Variants in LY86 observed in about 807,000 individuals in gnomAD.
The protein encoded by LY86 is MD-1, RP105-associated.
In LY86, 20 loss-of-function variants were observed where a neutral mutation model predicts 17.3. That is an observed-to-expected ratio of 1.15 (90% CI 0.81 to 1.68). LY86 has a LOEUF of 1.68. LY86 is among the 40% of genes most tolerant of loss of function. The pLI is 0.00. For synonymous variants in LY86, 74 were observed against 70.6 expected (o/e 1.05, Z -0.24); for missense variants, 200 against 191.9 (o/e 1.04, Z -0.25).
intron 3 of LY86, among the ~76,000 whole-genome samples, chr6:6,627,724 A>T (rs190860721): frequency 8.5e-4 from 129 of 152,300 alleles, no homozygotes; most frequent in Non-Finnish European, 1.4e-3. Context: ...CTGTTCTAAG[A>T]GCTTTAGACC....
At chr6:6,614,613 C>A (rs1581243160) in intron 1 of LY86, among the ~76,000 whole-genome samples, 1 of 152,150 alleles carries the variant, frequency 6.6e-6, no homozygotes, top group African/African-American at 2.4e-5. Flanking sequence ...CTGTCTCATG[C>A]TCCCCATCCT....
chr6:6,647,777 G>T (rs1762126051), intron 3 of LY86, among the ~76,000 whole-genome samples: 2 of 152,052 alleles, frequency 1.3e-5, no homozygotes, highest in African/African-American at 2.4e-5. Context: ...CTCCTCTGTT[G>T]ATTAATTCTA....
At chr6:6,628,449 C>T (rs1046650974) in intron 3 of LY86, among the ~76,000 whole-genome samples, 9 of 151,828 alleles carry the variant, frequency 5.9e-5, no homozygotes, top group Admixed American at 2.0e-4. Context: ...TTAACATGTG[C>T]AACATTATTT....
At chr6:6,605,858 G>A (rs766594190) in intron 1 of LY86, among the ~76,000 whole-genome samples, 176 of 151,856 alleles carry the variant, frequency 1.2e-3, no homozygotes, top group Middle Eastern at 3.4e-3. Flanking sequence ...TCTTAAGGGG[G>A]CATCTGGAGC....
At chr6:6,648,566 G>T (rs997471370) in intron 3 of LY86, among the ~76,000 whole-genome samples, 14 of 152,112 alleles carry the variant, frequency 9.2e-5, no homozygotes, top group African/African-American at 2.7e-4. Context: ...TCAGGACTTG[G>T]CTCAAATGCT....
chr6:6,645,644 C>T (rs1344066420), intron 3 of LY86, among the ~76,000 whole-genome samples: 5 of 151,702 alleles, frequency 3.3e-5, no homozygotes, highest in African/African-American at 1.2e-4. Context: ...ATAAACATGC[C>T]CAAGGGAACC....
rs116109940 is a variant in LY86 at position 6,605,671 on chromosome 6, G to T, written c.136+16801G>T. Among the ~76,000 whole-genome samples the T allele has an allele frequency of 2.5e-3, 388 of 152,350 alleles. 1 individual carries two copies. Among genetic ancestry groups the T allele is most frequent in the African/African-American group, 8.9e-3 (371 of 41,570 alleles). Reference sequence around the variant, plus strand: ...TGTTCTACTGTGTCTGGAATTGATGGGTTCTTCATCTCACGGACTTAAAGA... The same window carrying T: ...TGTTCTACTGTGTCTGGAATTGATGTGTTCTTCATCTCACGGACTTAAAGA... On this transcript the variant is annotated intron_variant, in intron 1 of 4. Transcript: ENST00000230568.
Position 6,597,373 on chromosome 6 carries a change from C to T in LY86, c.136+8503C>T, listed in dbSNP as rs1237169082. On this transcript the variant is annotated intron_variant, in intron 1 of 4. Transcript: ENST00000230568. ...ATTAGAGCAGTCAGAAGGCACAGAACGGGAGCAGGGCTGAGGATGGAGTAT... is the reference window on the plus strand; with the variant it reads ...ATTAGAGCAGTCAGAAGGCACAGAATGGGAGCAGGGCTGAGGATGGAGTAT... Among the ~76,000 whole-genome samples the T allele has an allele frequency of 2.6e-5, 4 of 152,150 alleles. No homozygotes were observed. The East Asian group carries it at 7.7e-4, about 29-fold the overall frequency.
Position 6,639,559 on chromosome 6 carries a change from T to C in LY86, c.353-10066T>C, listed in dbSNP as rs564314036. The stretch of plus-strand genomic sequence containing the variant: ...GGGAAAGCCGGCTTTCTCGCCTTTT[T>C]CAGTTTCTAGAGGCTGCTGCGTTCC... On this transcript the variant is annotated intron_variant, in intron 3 of 4. Coordinates refer to ENST00000230568, the MANE Select transcript of LY86 (RefSeq NM_004271.4). Among the ~76,000 whole-genome samples the C allele has an allele frequency of 7.2e-5, 11 of 152,310 alleles. No individual in the cohort carries two copies. In the South Asian group the frequency reaches 2.1e-3, roughly 29 times the overall value.
chr6:6,623,107 A>T (rs919541733), intron 1 of LY86, among the ~76,000 whole-genome samples: 1 of 152,230 alleles, frequency 6.6e-6, no homozygotes, highest in Non-Finnish European at 1.5e-5. Flanking sequence ...AGGAAAACGA[A>T]GACCATATCA....
At chr6:6,617,405 C>T (rs955094389) in intron 1 of LY86, among the ~76,000 whole-genome samples, 1 of 152,166 alleles carries the variant, frequency 6.6e-6, no homozygotes, top group African/African-American at 2.4e-5. Flanking sequence ...CCGTGGGAAA[C>T]ATGCCTTGTC....
At chr6:6,619,924 CTACCTT>C (rs1422421171) in intron 1 of LY86, among the ~76,000 whole-genome samples, 1 of 151,954 alleles carries the variant, frequency 6.6e-6, no homozygotes, top group Non-Finnish European at 1.5e-5. Context: ...GGGAGAAAGA[CTACCTT>C]TACAAAGCAG....
intron 1 of LY86, among the ~76,000 whole-genome samples, chr6:6,603,864 AAAAG>A (rs1174160648): frequency 6.6e-6 from 1 of 151,638 alleles, no homozygotes; most frequent in Non-Finnish European, 1.5e-5. Context: ...AAGAAATAAT[AAAAG>A]AAACAGAAAA....
intron 3 of LY86, among the ~76,000 whole-genome samples, chr6:6,637,004 G>GTTTTTTT (rs34996349): frequency 1.8e-5 from 2 of 109,844 alleles, no homozygotes; most frequent in Admixed American, 1.1e-4. Flanking sequence ...AAGCATATTG[G>GTTTTTTT]TTTTTTTTTT....
chr6:6,641,246 C>T (rs1762035374), intron 3 of LY86, among the ~76,000 whole-genome samples: 1 of 152,198 alleles, frequency 6.6e-6, no homozygotes, highest in African/African-American at 2.4e-5. Flanking sequence ...GCCAAAGAGT[C>T]CCAAAGTTTT....
At chr6:6,604,650 T>C (rs1000816243) in intron 1 of LY86, among the ~76,000 whole-genome samples, 2 of 152,150 alleles carry the variant, frequency 1.3e-5, no homozygotes, top group African/African-American at 4.8e-5. Flanking sequence ...GCAAAAGACA[T>C]GCATTTCAGC....
At chr6:6,639,143 G>A (rs900988202) in intron 3 of LY86, among the ~76,000 whole-genome samples, 5 of 152,064 alleles carry the variant, frequency 3.3e-5, no homozygotes, top group Admixed American at 2.0e-4. Context: ...GGATGAAACT[G>A]GAAATCATCA....
At chr6:6,652,585 C>T (rs1376409203) in intron 4 of LY86, among the ~76,000 whole-genome samples, 1 of 152,218 alleles carries the variant, frequency 6.6e-6, no homozygotes, top group Non-Finnish European at 1.5e-5. Context: ...ATCCTTTGGG[C>T]TCCCGAAGCA....
intron 3 of LY86, 77 bp downstream of exon 3, chr6:6,626,498 G>T (rs2233126): frequency 6.6e-7 from 1 of 1,526,616 alleles, no homozygotes; most frequent in Non-Finnish European, 8.9e-7. Context: ...AGGCCAGGAC[G>T]CCCAGACCAG....
Sources: gnomAD v4.1 joint callset for allele counts (sites outside exome capture counted in the v4.1 genomes callset) on GRCh38, gnomAD v4.1.1 for gene constraint, MANE v1.5 for transcripts, NCBI Gene and HGNC (gene_info 2026-07-23, HGNC 2026-07-21) for gene names.